Variants in AK8 observed in about 807,000 individuals in gnomAD.
The protein encoded by AK8 is ATP-AMP transphosphorylase 8.
AK8 carries 44 observed loss-of-function variants against 54.6 expected under a neutral mutation model. That is an observed-to-expected ratio of 0.81 (90% CI 0.63 to 1.04). The LOEUF (loss-of-function observed/expected upper bound fraction) is 1.04. AK8 is among the 50% of genes least tolerant of loss of function. AK8 has a pLI of 0.00. For synonymous variants in AK8, 239 were observed against 245.6 expected (o/e 0.97, Z 0.25); for missense variants, 555 against 613.6 (o/e 0.90, Z 1.01).
intron 11 of AK8, among the ~76,000 whole-genome samples, chr9:132,728,155 T>C (rs1265058715): frequency 6.6e-6 from 1 of 152,208 alleles, no homozygotes; most frequent in Non-Finnish European, 1.5e-5. Context: ...GGCATCATTT[T>C]CCACATGTGG....
chr9:132,742,757 A>G lies in AK8; in HGVS notation c.1122-15223T>C, dbSNP rs1387290024. The stretch of plus-strand genomic sequence containing the variant: ...ATCCTGACAAGACACTTAATATGTA[A>G]TAACAACACAGAACCCACGTGGGCC... On this transcript the variant is annotated intron_variant, in intron 11 of 12. Transcript: ENST00000298545. Among the ~76,000 whole-genome samples the G allele has an allele frequency of 2.6e-5, 4 of 152,342 alleles. No individual in the cohort carries two copies. In the East Asian group the frequency reaches 7.7e-4, roughly 29 times the overall value.
rs538116552 is a variant in AK8, at chr9:132,790,020, C to T, written c.1121+2614G>A. 2.6e-5 allele frequency among the ~76,000 whole-genome samples: 4 copies of T among 152,228 alleles called. No individual in the cohort carries two copies. The East Asian group carries it at 7.7e-4, about 29-fold the overall frequency. On this transcript the variant is annotated intron_variant, in intron 11 of 12. Transcript: ENST00000298545. This position sits in a 1 kb window ranked among gnomAD's most constrained non-coding sequence, Gnocchi z 4.1. The stretch of plus-strand genomic sequence containing the variant: ...AATGTAATATTCAGACGCATGACAG[C>T]AGGGGGCAAAGGTCCTAAGGGTCAA...
rs1420080602 is a variant in AK8, at chr9:132,837,335, AAAAG to A, written c.403-8613_403-8610del. Among the ~76,000 whole-genome samples the A allele has an allele frequency of 6.6e-6, 1 of 151,710 alleles. No homozygotes were observed. Among genetic ancestry groups the A allele is most frequent in the African/African-American group, 2.4e-5 (1 of 41,320 alleles). On this transcript the variant is annotated intron_variant, in intron 5 of 12. Coordinates refer to ENST00000298545, the MANE Select transcript of AK8 (RefSeq NM_152572.3). This position sits in a 1 kb window ranked among gnomAD's most constrained non-coding sequence, Gnocchi z 4.3. ...CTCCATCTCGAAAAAAAAAAAAAAA[AAAAG>A]AATGAAAGAATGAGGAGTTGGCCCC... is the stretch of plus-strand genomic sequence containing the variant.
chr9:132,803,582 T>C lies in AK8; in HGVS notation c.980-10807A>G, dbSNP rs1197554096. Among the ~76,000 whole-genome samples, 1 of 151,964 alleles carries C rather than the reference T, an allele frequency of 6.6e-6. No homozygotes were observed. The highest frequency in any genetic ancestry group is 2.4e-5 in the African/African-American group (1 of 41,350). ...CCTTTATATAGAGCAAGCCAACAAA[T>C]GGGATCCTAGGAAAGCTCGCCTTAC... On this transcript the variant is annotated intron_variant, in intron 10 of 12. Coordinates refer to ENST00000298545, the MANE Select transcript of AK8 (RefSeq NM_152572.3). The surrounding 1 kb of genome is among the most constrained non-coding windows in gnomAD (Gnocchi z 4.4).
chr9:132,726,278 T>TCTCC (rs540630551), intron 12 of AK8, among the ~76,000 whole-genome samples: 6 of 138,728 alleles, frequency 4.3e-5, no homozygotes, highest in South Asian at 5.1e-4. Context: ...CCCTCTCTTC[T>TCTCC]CTCCCTCCCT....
intron 10 of AK8, among the ~76,000 whole-genome samples, chr9:132,795,452 C>A (rs139568840): frequency 3.3e-4 from 50 of 152,266 alleles, no homozygotes; most frequent in African/African-American, 1.1e-3. Context: ...ATCCAGAGAC[C>A]TTGTGTTTTC....
chr9:132,834,171 TGAACGCGGC>T (rs1279739105), intron 5 of AK8, among the ~76,000 whole-genome samples: 2 of 152,378 alleles, frequency 1.3e-5, no homozygotes, highest in African/African-American at 4.8e-5. Flanking sequence ...CACTGCAGGC[TGAACGCGGC>T]CTAATGTGGT....
chr9:132,746,693 T>C (rs1284058195), intron 11 of AK8, among the ~76,000 whole-genome samples: 2 of 152,084 alleles, frequency 1.3e-5, no homozygotes, highest in Non-Finnish European at 1.5e-5. Context: ...TGCTGTCAAA[T>C]GGAGCAACCA....
chr9:132,831,629 G>A (rs1265054367), intron 5 of AK8, among the ~76,000 whole-genome samples: 1 of 152,214 alleles, frequency 6.6e-6, no homozygotes. Flanking sequence ...CAGCCACTGG[G>A]AGACTCAGTT....
At chr9:132,854,027 T>A (rs1275703312) in intron 5 of AK8, among the ~76,000 whole-genome samples, 1 of 151,722 alleles carries the variant, frequency 6.6e-6, no homozygotes, top group Non-Finnish European at 1.5e-5. Flanking sequence ...ATAGTGAAAC[T>A]CTATCTCTAC....
At chr9:132,744,099 T>C (rs1484737394) in intron 11 of AK8, among the ~76,000 whole-genome samples, 1 of 151,962 alleles carries the variant, frequency 6.6e-6, no homozygotes, top group African/African-American at 2.4e-5. Context: ...CACCTCAGAC[T>C]CCTCTGTGTC....
chr9:132,750,133 T>A (rs1468528465), intron 11 of AK8, among the ~76,000 whole-genome samples: 1 of 151,884 alleles, frequency 6.6e-6, no homozygotes, highest in Non-Finnish European at 1.5e-5. Flanking sequence ...CCTCTCTTCC[T>A]TCACCTCTTC....
intron 10 of AK8, among the ~76,000 whole-genome samples, chr9:132,807,331 G>A (rs1208069405): frequency 6.6e-6 from 1 of 152,234 alleles, no homozygotes; most frequent in African/African-American, 2.4e-5. Flanking sequence ...CCCCACTGCT[G>A]GGGACATGGC....
Position 132,735,340 on chromosome 9 carries a change from G to A in AK8, c.1122-7806C>T, listed in dbSNP as rs528490225. 1.4e-3 allele frequency among the ~76,000 whole-genome samples: 213 copies of A among 152,304 alleles called. 1 individual carries two copies. The highest frequency in any genetic ancestry group is 4.8e-3 in the African/African-American group (201 of 41,562). On this transcript the variant is annotated intron_variant, in intron 11 of 12. Coordinates refer to ENST00000298545, the MANE Select transcript of AK8 (RefSeq NM_152572.3). ...GAAACTGAGGGTGAAATTTACTCTGGATCCATGGACGGATTGGGTAAGTTG... is the reference window on the plus strand; with the variant it reads ...GAAACTGAGGGTGAAATTTACTCTGAATCCATGGACGGATTGGGTAAGTTG...
chr9:132,839,163 C>T (rs1029387751), intron 5 of AK8, among the ~76,000 whole-genome samples: 2 of 152,134 alleles, frequency 1.3e-5, no homozygotes, highest in Admixed American at 6.6e-5. Flanking sequence ...AGGCTGGTCT[C>T]GAACTCCTGA....
chr9:132,755,954 A>G (rs1003598106), intron 11 of AK8, among the ~76,000 whole-genome samples: 13 of 152,012 alleles, frequency 8.6e-5, no homozygotes, highest in African/African-American at 3.1e-4. Context: ...TTTAGTAGAG[A>G]CGGGGTTTCA....
At chr9:132,736,573 G>A (rs575533533) in intron 11 of AK8, among the ~76,000 whole-genome samples, 55 of 151,058 alleles carry the variant, frequency 3.6e-4, no homozygotes, top group African/African-American at 6.8e-4. Context: ...CGAGGTGGGC[G>A]GATCACAAGC....
At chr9:132,726,569 C>T (rs2130924594) in intron 12 of AK8, among the ~76,000 whole-genome samples, 1 of 152,278 alleles carries the variant, frequency 6.6e-6, no homozygotes, top group East Asian at 1.9e-4. Context: ...TGCCCGGCCT[C>T]TTGTTCCTTT....
intron 10 of AK8, among the ~76,000 whole-genome samples, chr9:132,805,201 G>A (rs141706838): frequency 0.017 from 2,532 of 152,312 alleles, 47 homozygotes; most frequent in Middle Eastern, 0.027. Context: ...AGAGGGAAAC[G>A]CTTCTAGAAG....
Sources: gnomAD v4.1 joint callset for allele counts (sites outside exome capture counted in the v4.1 genomes callset) on GRCh38, gnomAD v4.1.1 for gene constraint, Gnocchi (gnomAD v3.1) non-coding constraint, MANE v1.5 for transcripts, NCBI Gene and HGNC (gene_info 2026-07-23, HGNC 2026-07-21) for gene names.